SLC28A1: variants seen among roughly 807,000 people sequenced by gnomAD.
The protein encoded by SLC28A1 is sodium/nucleoside cotransporter 1.
In SLC28A1, 64 loss-of-function variants were observed where a neutral mutation model predicts 74.8. The ratio of observed to expected loss-of-function variants is 0.86; its 90% CI spans 0.70 to 1.05. The LOEUF is 1.05. SLC28A1 is among the 50% of genes least tolerant of loss of function. SLC28A1 has a pLI of 0.00. For missense variants in SLC28A1, 828 were observed against 822.8 expected (o/e 1.01, Z -0.08); for synonymous variants, 359 against 335.0 (o/e 1.07, Z -0.78).
At chr15:84,914,423 C>G (rs976313763) in intron 9 of SLC28A1, among the ~76,000 whole-genome samples, 2 of 152,198 alleles carry the variant, frequency 1.3e-5, no homozygotes, top group African/African-American at 4.8e-5. Flanking sequence ...GGCAGAGAAA[C>G]AAGCCTCCAG....
intron 12 of SLC28A1, 148 bp from the exon 13 acceptor site, chr15:84,932,997 T>C: frequency 1.3e-6 from 1 of 756,208 alleles, no homozygotes; most frequent in Admixed American, 1.8e-5. Context: ...AAAGGTATTA[T>C]TATTATTAGT....
At chr15:84,915,940 G>GTTC (rs1315694553) in intron 9 of SLC28A1, among the ~76,000 whole-genome samples, 23 of 151,584 alleles carry the variant, frequency 1.5e-4, no homozygotes, top group African/African-American at 5.6e-4. Context: ...TGTTGTTGTT[G>GTTC]TTGTTGTTGT....
intron 15 of SLC28A1, among the ~76,000 whole-genome samples, chr15:84,941,719 A>G (rs1422523041): frequency 6.6e-6 from 1 of 152,138 alleles, no homozygotes; most frequent in African/African-American, 2.4e-5. Context: ...AGGAAATAGA[A>G]AACTTAGCCA....
At chr15:84,901,074 T>A (rs1290721496) in intron 6 of SLC28A1, among the ~76,000 whole-genome samples, 2 of 151,760 alleles carry the variant, frequency 1.3e-5, no homozygotes, top group African/African-American at 4.8e-5. Flanking sequence ...ATACAAAAAT[T>A]AGCTGGGCGT....
chr15:84,889,379 AG>A (rs1264654603), intron 4 of SLC28A1, among the ~76,000 whole-genome samples: 1 of 152,010 alleles, frequency 6.6e-6, no homozygotes, highest in Non-Finnish European at 1.5e-5. Context: ...TCCGGAGCTG[AG>A]GACACCGTGA....
chr15:84,966,807 C>T, the SLC28A1 span, among the ~76,000 whole-genome samples: 4 of 152,340 alleles, frequency 2.6e-5, no homozygotes, highest in African/African-American at 9.6e-5. Context: ...AATTACCTCC[C>T]ACCAGGTCCC....
In SLC28A1 at chr15:84,935,428, G is replaced by C. The variant is rs144191826; in HGVS notation, c.1491G>C (p.Glu497Asp). The change falls in exon 15 of 19, where the codon GAG becomes GAC. Residue 497 changes from glutamate (E) to aspartate (D), a missense_variant. Transcript: ENST00000394573. ...TGGGGATCAAGCTGTTTCTGAACGA[G>C]TTTGTGGCCTATCAAGACCTCTCCA... The part of the protein sequence containing the change: ...ELLGIKLFLN[E>D]FVAYQDLSKY... 10 of 1,614,238 alleles carry C rather than the reference G, an allele frequency of 6.2e-6. No homozygotes were observed. Among genetic ancestry groups the C allele is most frequent in the Non-Finnish European group, 8.5e-6 (10 of 1,180,034 alleles).
At chr15:84,971,676 G>T in the SLC28A1 span, among the ~76,000 whole-genome samples, 2 of 151,314 alleles carry the variant, frequency 1.3e-5, no homozygotes, top group Non-Finnish European at 2.9e-5. Flanking sequence ...TTTTGACAGG[G>T]TGTCACTCTG....
intron 9 of SLC28A1, among the ~76,000 whole-genome samples, chr15:84,916,982 C>T (rs899248970): frequency 2.5e-4 from 33 of 133,076 alleles, no homozygotes; most frequent in African/African-American, 8.6e-4. Context: ...GAGCCGAGAT[C>T]GTACCACTGT....
At position 84,908,178 on chromosome 15, in the gene SLC28A1, C is replaced by CTTTTTTTTTTTT. The variant is rs71135328; in HGVS notation, c.718-528_718-517dup. On this transcript the variant is annotated intron_variant, in intron 8 of 18. Coordinates refer to ENST00000394573, the MANE Select transcript of SLC28A1 (RefSeq NM_004213.5). ...TGTCCTAATAACTCCCAGAGCATTT[C>CTTTTTTTTTTTT]TTTTTTTTTTTTTTTTTTTTTTTGA... 7.9e-4 allele frequency among the ~76,000 whole-genome samples: 72 copies of CTTTTTTTTTTTT among 91,340 alleles called. 7 individuals carry two copies. The highest frequency in any genetic ancestry group is 3.1e-3 in the African/African-American group (65 of 20,936). The allele number at this position is 91,340 out of a possible 152,430, so 59.9% of individuals were successfully genotyped here.
At chr15:84,900,879 G>C (rs575146063) in intron 6 of SLC28A1, among the ~76,000 whole-genome samples, 1 of 35,516 alleles carries the variant, frequency 2.8e-5, no homozygotes, top group East Asian at 4.2e-3. Flanking sequence ...GGCAAGGAAG[G>C]AAGGAAGGAA....
chr15:84,894,732 C>T (rs1341121700), intron 5 of SLC28A1, among the ~76,000 whole-genome samples: 1 of 152,240 alleles, frequency 6.6e-6, no homozygotes, highest in Non-Finnish European at 1.5e-5. Context: ...CCTTTCACAA[C>T]ACTTTCTGCC....
intron 8 of SLC28A1, 113 bp downstream of exon 8, chr15:84,905,765 T>G (rs1200786752): frequency 6.0e-6 from 5 of 830,118 alleles, no homozygotes; most frequent in Non-Finnish European, 1.0e-5. Flanking sequence ...GCTTGGGACC[T>G]GGAGGGTGGG....
chr15:84,968,426 G>A, the SLC28A1 span, among the ~76,000 whole-genome samples: 5 of 152,212 alleles, frequency 3.3e-5, no homozygotes, highest in African/African-American at 1.2e-4. Context: ...GTTGACAGAG[G>A]CCTCAGCTCC....
chr15:84,946,066 ATATATG>A (rs1460054637), downstream of SLC28A1, among the ~76,000 whole-genome samples: 1 of 65,888 alleles, frequency 1.5e-5, no homozygotes, highest in Non-Finnish European at 3.0e-5. Flanking sequence ...ATACATATAT[ATATATG>A]TGTGTGTATG....
At chr15:84,966,872 A>T in the SLC28A1 span, among the ~76,000 whole-genome samples, 1 of 152,210 alleles carries the variant, frequency 6.6e-6, no homozygotes, top group Non-Finnish European at 1.5e-5. Context: ...CAACCAAACC[A>T]TATCACCACC....
intron 5 of SLC28A1, among the ~76,000 whole-genome samples, chr15:84,892,234 A>G (rs1313423165): frequency 6.6e-6 from 1 of 152,084 alleles, no homozygotes; most frequent in African/African-American, 2.4e-5. Context: ...AAAAAGGAGG[A>G]TGGGTACAGA....
At chr15:84,938,255 G>T (rs932983638) in intron 15 of SLC28A1, among the ~76,000 whole-genome samples, 1 of 149,704 alleles carries the variant, frequency 6.7e-6, no homozygotes, top group Non-Finnish European at 1.5e-5. Context: ...TCCCCTCACT[G>T]CTTACTGTCA....
intron 16 of SLC28A1, 102 bp downstream of exon 16, chr15:84,943,628 C>T: frequency 1.1e-6 from 1 of 940,504 alleles, no homozygotes. Context: ...AAGCAGGACC[C>T]AAACAAGATG....
Sources: allele counts gnomAD v4.1 joint callset (sites outside exome capture counted in the v4.1 genomes callset), GRCh38; gene constraint gnomAD v4.1.1; transcripts MANE v1.5; gene names NCBI Gene and HGNC (gene_info 2026-07-23, HGNC 2026-07-21).